Variants in XRCC5 observed in about 807,000 individuals in gnomAD.
XRCC5 encodes X-ray repair cross complementing 5.
A neutral mutation model predicts 95.7 loss-of-function variants in XRCC5; 12 were observed. The ratio of observed to expected loss-of-function variants is 0.13; its 90% CI spans 0.08 to 0.20. The LOEUF is 0.20. XRCC5 is among the 10% of genes least tolerant of loss of function. XRCC5 has a pLI of 1.00. For missense variants in XRCC5, 595 were observed against 873.9 expected (o/e 0.68, Z 4.02); for synonymous variants, 281 against 290.3 (o/e 0.97, Z 0.33).
intron 12 of XRCC5, 96 bp from the exon 13 acceptor site, chr2:216,141,090 C>T (rs980615261): frequency 4.1e-6 from 6 of 1,471,916 alleles, no homozygotes; most frequent in East Asian, 2.3e-5. Context: ...ACTGTATAAC[C>T]TGCCAATATT....
intron 20 of XRCC5, 65 bp from the exon 21 acceptor site, chr2:216,205,123 C>A (rs373301741): frequency 3.1e-5 from 49 of 1,596,866 alleles, no homozygotes; most frequent in Non-Finnish European, 4.1e-5. Flanking sequence ...AACCCTCTCT[C>A]ACCAGAGAAG....
intron 16 of XRCC5, among the ~76,000 whole-genome samples, chr2:216,184,174 G>A (rs1314796757): frequency 6.6e-6 from 1 of 152,066 alleles, no homozygotes; most frequent in Admixed American, 6.5e-5. Context: ...GAAGTGCTCA[G>A]TTGCATCCAG....
chr2:216,116,586 C>A (rs1403305500), intron 2 of XRCC5, 73 bp from the exon 3 acceptor site: 16 of 1,576,836 alleles, frequency 1.0e-5, no homozygotes, highest in Non-Finnish European at 1.3e-5. Context: ...TGTCCTGCTC[C>A]CTGAAGGTTA....
chr2:216,111,401 G>T (rs567190762), intron 1 of XRCC5: 12 of 450,978 alleles, frequency 2.7e-5, no homozygotes, highest in African/African-American at 2.2e-4. Flanking sequence ...GGGTGCAACT[G>T]TGGTCCCAGC....
chr2:216,123,269 A>G (rs1392269851), intron 6 of XRCC5, among the ~76,000 whole-genome samples: 1 of 152,196 alleles, frequency 6.6e-6, no homozygotes, highest in Non-Finnish European at 1.5e-5. Flanking sequence ...CTGATGAGCT[A>G]TAATTGACAA....
chr2:216,176,045 C>T, intron 16 of XRCC5: 2 of 199,518 alleles, frequency 1.0e-5, no homozygotes, highest in Middle Eastern at 3.9e-3. Context: ...TAAGACTAGA[C>T]TTGCCTCCTC....
At chr2:216,125,719 TCTTC>T (rs966676880) in intron 6 of XRCC5, among the ~76,000 whole-genome samples, 194 bp from the exon 7 acceptor site, 2 of 152,218 alleles carry the variant, frequency 1.3e-5, no homozygotes, top group African/African-American at 4.8e-5. Flanking sequence ...ATTCAGCTCC[TCTTC>T]CCTTCTAAGC....
At chr2:216,119,301 T>A in intron 5 of XRCC5, 136 bp downstream of exon 5, 1 of 893,808 alleles carries the variant, frequency 1.1e-6, no homozygotes, top group Non-Finnish European at 1.7e-6. Context: ...GATGACTGAC[T>A]ACTCAGCAAA....
intron 13 of XRCC5, among the ~76,000 whole-genome samples, chr2:216,145,449 G>A (rs555366884): frequency 6.6e-6 from 1 of 152,192 alleles, no homozygotes; most frequent in African/African-American, 2.4e-5. Flanking sequence ...GAGCTATTGT[G>A]GTCTGTAGGT....
chr2:216,164,072 A>G (rs2106028987), intron 16 of XRCC5, among the ~76,000 whole-genome samples: 1 of 152,334 alleles, frequency 6.6e-6, no homozygotes, highest in South Asian at 2.1e-4. Flanking sequence ...TGATCAAGAC[A>G]CTTTCACAGT....
At chr2:216,188,851 C>T (rs1444056180) in intron 16 of XRCC5, among the ~76,000 whole-genome samples, 4 of 152,174 alleles carry the variant, frequency 2.6e-5, no homozygotes, top group African/African-American at 4.8e-5. Flanking sequence ...CTGCGGGATA[C>T]GTTGGTAAAG....
intron 15 of XRCC5, 50 bp downstream of exon 15, chr2:216,160,211 C>T: frequency 7.6e-7 from 1 of 1,314,732 alleles, no homozygotes; most frequent in Admixed American, 2.2e-5. Flanking sequence ...AAGGTTGGGG[C>T]TTGAGGGAGA....
intron 12 of XRCC5, 105 bp from the exon 13 acceptor site, chr2:216,141,081 C>T: frequency 1.5e-6 from 2 of 1,374,878 alleles, no homozygotes; most frequent in Non-Finnish European, 2.0e-6. Context: ...AGGGCCAGGA[C>T]TGTATAACCT....
At chr2:216,165,955 T>A (rs1200678837) in intron 16 of XRCC5, among the ~76,000 whole-genome samples, 1 of 152,128 alleles carries the variant, frequency 6.6e-6, no homozygotes, top group Non-Finnish European at 1.5e-5. Context: ...GTTTTCAGTG[T>A]GAGGGATGTA....
chr2:216,189,369 T>C (rs572092257), intron 16 of XRCC5, among the ~76,000 whole-genome samples: 1 of 152,374 alleles, frequency 6.6e-6, no homozygotes, highest in East Asian at 1.9e-4. Flanking sequence ...CACATCTCCC[T>C]GATTTGTTCT....
intron 8 of XRCC5, 74 bp downstream of exon 8, chr2:216,127,748 GTAT>G (rs1356667412): frequency 5.6e-6 from 8 of 1,438,052 alleles, no homozygotes; most frequent in Non-Finnish European, 7.4e-6. Context: ...GCTGGGGTTT[GTAT>G]TATTCTTTGT....
chr2:216,201,336 C>T (rs1189847111), intron 19 of XRCC5, among the ~76,000 whole-genome samples: 1 of 152,120 alleles, frequency 6.6e-6, no homozygotes, highest in Non-Finnish European at 1.5e-5. Context: ...TTTGGAATCA[C>T]CTGATGGTGT....
chr2:216,124,663 T>C (rs1696875333), intron 6 of XRCC5, among the ~76,000 whole-genome samples: 1 of 152,184 alleles, frequency 6.6e-6, no homozygotes, highest in Non-Finnish European at 1.5e-5. Context: ...AATTGGAGTC[T>C]CTTGCGACCT....
Position 216,205,672 on chromosome 2 carries a change from T to C in XRCC5, c.*470T>C, listed in dbSNP as rs1187994652. Reference sequence around the variant, plus strand: ...GTCACAACTTGTGTTGAGCAAGCAGTAGCATTTGCTTCCTCCCAACAAGCA... The same window carrying C: ...GTCACAACTTGTGTTGAGCAAGCAGCAGCATTTGCTTCCTCCCAACAAGCA... On this transcript the variant is annotated 3_prime_UTR_variant, in exon 21 of 21. Transcript: ENST00000392132. 1 of 154,990 alleles carries C rather than the reference T, an allele frequency of 6.5e-6. No homozygotes were observed. The highest frequency in any genetic ancestry group is 1.4e-5 in the Non-Finnish European group (1 of 69,938). 9.6% of individuals were successfully genotyped at this position (154,990 alleles called of 1,614,324 possible).
Sources: gnomAD v4.1 joint callset for allele counts (sites outside exome capture counted in the v4.1 genomes callset) on GRCh38, gnomAD v4.1.1 for gene constraint, MANE v1.5 for transcripts, NCBI Gene and HGNC (gene_info 2026-07-23, HGNC 2026-07-21) for gene names.